ECHDC2: variants seen among roughly 807,000 people sequenced by gnomAD.
ECHDC2 encodes enoyl-CoA hydratase domain-containing protein 2, mitochondrial.
In ECHDC2, 34 loss-of-function variants were observed where a neutral mutation model predicts 40.6. That is an observed-to-expected ratio of 0.84 (90% confidence interval 0.64 to 1.11). The LOEUF (loss-of-function observed/expected upper bound fraction) is 1.11. ECHDC2 is among the 50% of genes most tolerant of loss of function. ECHDC2 has a pLI of 0.00. For synonymous variants in ECHDC2, 162 were observed against 166.6 expected, an observed-to-expected ratio of 0.97 and a Z score of 0.21; for missense variants, 392 against 400.7, an observed-to-expected ratio of 0.98 and a Z score of 0.19.
At chr1:52,897,586 A>C in intron 8 of ECHDC2, 102 bp from the exon 9 acceptor site, 1 of 1,119,090 alleles carries the variant, frequency 8.9e-7, no homozygotes, top group East Asian at 2.3e-5. Flanking sequence ...ATATGAGCAG[A>C]GATAGCTATG....
rs562170844 is a variant in ECHDC2 at position 52,905,055 on chromosome 1, G to GC, written c.492dup (p.Arg165AlafsTer36). 5,547 of 1,614,160 alleles carry GC rather than the reference G, an allele frequency of 3.4e-3. 14 individuals carry two copies. Among genetic ancestry groups the GC allele is most frequent in the Non-Finnish European group, 4.4e-3 (5,187 of 1,180,022 alleles). ...TTACCTGCCCCCGGGAGGAGCCCTC[G>GC]CGTGGTCTCAATCAGTCCCATGACT... is the stretch of plus-strand genomic sequence containing the variant. On this transcript the variant is annotated frameshift_variant, in exon 6 of 10. Coordinates refer to ENST00000371522, the MANE Select transcript of ECHDC2 (RefSeq NM_001198961.2). LOFTEE classifies it high-confidence loss of function.
intron 3 of ECHDC2, among the ~76,000 whole-genome samples, chr1:52,910,213 G>A (rs1298830049): frequency 1.3e-5 from 2 of 151,884 alleles, no homozygotes; most frequent in African/African-American, 2.4e-5. Context: ...GAGTTTGTTT[G>A]GTATGATAAA....
intron 1 of ECHDC2, among the ~76,000 whole-genome samples, chr1:52,915,757 T>C (rs1340258559): frequency 6.6e-6 from 1 of 152,228 alleles, no homozygotes; most frequent in Admixed American, 6.5e-5. Flanking sequence ...TGTGAATTGC[T>C]TCTAAGCAAT....
chr1:52,911,272 C>T (rs1021474726), intron 3 of ECHDC2, among the ~76,000 whole-genome samples: 9 of 152,240 alleles, frequency 5.9e-5, no homozygotes, highest in African/African-American at 1.4e-4. Context: ...CCACTGTACC[C>T]GTCTTGGACT....
chr1:52,919,614 T>C (rs536223306), intron 1 of ECHDC2, among the ~76,000 whole-genome samples: 2 of 152,282 alleles, frequency 1.3e-5, no homozygotes, highest in East Asian at 1.9e-4. Context: ...CTAAGAACAG[T>C]GAAGAATGGT....
At chr1:52,920,946 C>A (rs970366168) in intron 1 of ECHDC2, among the ~76,000 whole-genome samples, 3 of 152,236 alleles carry the variant, frequency 2.0e-5, no homozygotes, top group African/African-American at 7.2e-5. Context: ...ACAACAAAAA[C>A]GCAACACGCG....
At chr1:52,905,544 G>A (rs757484784) in intron 5 of ECHDC2, 13 of 165,342 alleles carry the variant, frequency 7.9e-5, no homozygotes, top group Non-Finnish European at 1.7e-4. Context: ...ACAGTCGTCC[G>A]TTCCAGCTTT....
Position 52,896,505 on chromosome 1 carries a change from A to T in ECHDC2, c.*15T>A. The T allele has an allele frequency of 6.2e-7, 1 of 1,608,974 alleles. No individual in the cohort carries two copies. The highest frequency in any genetic ancestry group is 8.5e-7 in the Non-Finnish European group (1 of 1,175,262). Reference sequence around the variant, plus strand: ...TCAGGGCATGCATCTCCCATGCTGAAGGTTAAAATGGGGGTCATTTGCCAA... The same window carrying T: ...TCAGGGCATGCATCTCCCATGCTGATGGTTAAAATGGGGGTCATTTGCCAA... On this transcript the variant is annotated 3_prime_UTR_variant, in exon 10 of 10. Coordinates refer to ENST00000371522, the MANE Select transcript of ECHDC2 (RefSeq NM_001198961.2).
intron 1 of ECHDC2, chr1:52,917,562 GT>G: frequency 2.2e-6 from 1 of 456,120 alleles, no homozygotes; most frequent in Non-Finnish European, 4.4e-6. Context: ...GAGCCCATGG[GT>G]AGAGGAGGGA....
At chr1:52,908,087 G>A (rs1648418932) in intron 3 of ECHDC2, 133 bp from the exon 4 acceptor site, 1 of 721,378 alleles carries the variant, frequency 1.4e-6, no homozygotes, top group Non-Finnish European at 2.4e-6. Context: ...AGGAACCCGG[G>A]CAAGGAAGTC....
chr1:52,897,637 C>CTA, intron 8 of ECHDC2, 153 bp from the exon 9 acceptor site: 1 of 745,818 alleles, frequency 1.3e-6, no homozygotes, highest in Non-Finnish European at 2.4e-6. Context: ...CCATTCGTAA[C>CTA]TATGACAAAA....
chr1:52,897,672 G>T, intron 8 of ECHDC2, 188 bp from the exon 9 acceptor site: 1 of 645,058 alleles, frequency 1.6e-6, no homozygotes, highest in Non-Finnish European at 2.8e-6. Context: ...GAGACAGACT[G>T]AGACATTTTG....
chr1:52,905,007 T>C (rs1251751557), intron 6 of ECHDC2, 27 bp downstream of exon 6: 3 of 1,614,082 alleles, frequency 1.9e-6, no homozygotes, highest in Non-Finnish European at 8.5e-7. Context: ...TGGGGTGGAA[T>C]TGGGCGGGTG....
chr1:52,898,186 T>G (rs1428337755), intron 8 of ECHDC2: 1 of 152,750 alleles, frequency 6.5e-6, no homozygotes, highest in African/African-American at 2.4e-5. Flanking sequence ...GAACTGTGAT[T>G]AGCGTGAAGG....
rs372614589 is a variant in ECHDC2 at position 52,911,661 on chromosome 1, G to A, written c.190-8C>T. ...GGCCAGAGTTTCCAGCAGCTACAGA[G>A]GACACCCAGTTAGATAGTGCCAGCC... is the stretch of plus-strand genomic sequence containing the variant. On this transcript the variant is annotated splice_region_variant and splice_polypyrimidine_tract_variant and intron_variant, in intron 2 of 9. Coordinates refer to ENST00000371522, the MANE Select transcript of ECHDC2 (RefSeq NM_001198961.2). The A allele has an allele frequency of 2.2e-5, 36 of 1,614,054 alleles. No homozygotes were observed. Among genetic ancestry groups the A allele is most frequent in the Admixed American group, 6.7e-5 (4 of 60,002 alleles).
intron 7 of ECHDC2, among the ~76,000 whole-genome samples, chr1:52,902,550 A>G (rs1417799672): frequency 6.6e-6 from 1 of 152,074 alleles, no homozygotes; most frequent in Non-Finnish European, 1.5e-5. Flanking sequence ...TCAGCCTCCC[A>G]AAGTGCTGGG....
chr1:52,899,167 C>G lies in ECHDC2; in HGVS notation c.753+7G>C. On this transcript the variant is annotated splice_region_variant and intron_variant, in intron 8 of 9. Coordinates refer to ENST00000371522, the MANE Select transcript of ECHDC2 (RefSeq NM_001198961.2). ...TGGACCCAAGTCCCAACCCAAAACCCTCTCACCTCCGTTCCTCGGTCAATG... is the reference window on the plus strand; with the variant it reads ...TGGACCCAAGTCCCAACCCAAAACCGTCTCACCTCCGTTCCTCGGTCAATG... 3.1e-6 allele frequency: 5 copies of G among 1,614,218 alleles called. No individual in the cohort carries two copies. Among genetic ancestry groups the G allele is most frequent in the Non-Finnish European group, 3.4e-6 (4 of 1,180,040 alleles).
chr1:52,921,448 G>A (rs1651870931), intron 1 of ECHDC2, 105 bp downstream of exon 1: 1 of 1,454,622 alleles, frequency 6.9e-7, no homozygotes, highest in Non-Finnish European at 9.0e-7. Context: ...GGGAGGGACT[G>A]GGGATCGAAT....
At chr1:52,915,631 G>A (rs1424550902) in intron 1 of ECHDC2, among the ~76,000 whole-genome samples, 1 of 152,170 alleles carries the variant, frequency 6.6e-6, no homozygotes, top group East Asian at 1.9e-4. Flanking sequence ...GCCAGATCAG[G>A]AGGAGTCAAG....
Sources: gnomAD v4.1 joint callset for allele counts (sites outside exome capture counted in the v4.1 genomes callset) on GRCh38, gnomAD v4.1.1 for gene constraint, MANE v1.5 for transcripts, NCBI Gene and HGNC (gene_info 2026-07-23, HGNC 2026-07-21) for gene names.